The following TG variants were observed in gnomAD, a reference collection of about 807,000 sequenced individuals.
TG encodes thyroglobulin, also known as thyroid hormones.
Under a neutral mutation model 324.7 loss-of-function variants are expected in TG, and 270 were observed. The observed-to-expected ratio is 0.83, with a 90% confidence interval of 0.75 to 0.92. The LOEUF (loss-of-function observed/expected upper bound fraction) is 0.92, where lower values mean the gene tolerates loss of function less well. Among genes scored for constraint, TG ranks in the 40% least tolerant of loss-of-function variants. The probability of loss-of-function intolerance (pLI) is 0.00; values close to 1 mark genes in which losing one functional copy is unlikely to be tolerated. For synonymous variants in TG, 1,401 were observed against 1,327.0 expected (o/e 1.06, Z -1.21); for missense variants, 3,591 against 3,456.4 (o/e 1.04, Z -0.98).
chr8:133,087,644 T>A (rs1225139533), intron 41 of TG: 1 of 152,234 alleles, frequency 6.6e-6, no homozygotes, highest in Admixed American at 6.5e-5. Flanking sequence ...AATGTAACAT[T>A]AATTCATTGG....
chr8:133,017,639 C>G, intron 37 of TG, 139 bp from the exon 38 acceptor site: 1 of 847,422 alleles, frequency 1.2e-6, no homozygotes, highest in South Asian at 1.4e-5. Flanking sequence ...CTGTAGGGGT[C>G]TGAATGAATG....
At position 132,967,953 on chromosome 8, in the gene TG, C is replaced by G. The variant is rs1828873270; in HGVS notation, c.5846C>G (p.Ala1949Gly). The G allele has an allele frequency of 1.2e-6, 2 of 1,613,526 alleles. No individual in the cohort carries two copies. Among genetic ancestry groups the G allele is most frequent in the Admixed American group, 1.7e-5 (1 of 59,984 alleles). ...CRLILPQMPKALFRKKVILED... is the reference protein window; with the variant it reads ...CRLILPQMPKGLFRKKVILED... Reference sequence around the variant, plus strand: ...CTGATCCTGCCTCAGATGCCAAAGGCCCTGTTCCGGAAGAAAGGTGAGCAC... The same window carrying G: ...CTGATCCTGCCTCAGATGCCAAAGGGCCTGTTCCGGAAGAAAGGTGAGCAC... The change falls in exon 31 of 48, where the codon GCC (alanine) becomes GGC (glycine). Residue 1949 changes from alanine (A) to glycine (G), a missense_variant. Ala to Gly is a moderately conservative substitution (Grantham distance 60, BLOSUM62 0). Coordinates refer to ENST00000220616, the MANE Select transcript of TG (RefSeq NM_003235.5).
At chr8:132,981,216 C>A (rs972042349) in intron 34 of TG, among the ~76,000 whole-genome samples, 1 of 152,208 alleles carries the variant, frequency 6.6e-6, no homozygotes, top group Non-Finnish European at 1.5e-5. Flanking sequence ...GCTCTGCTGA[C>A]GTGAGATGCA....
chr8:132,993,102 A>G (rs1259576007), intron 35 of TG, among the ~76,000 whole-genome samples: 1 of 152,194 alleles, frequency 6.6e-6, no homozygotes, highest in East Asian at 1.9e-4. Context: ...TGGGTTCTTC[A>G]CATTTAGCAA....
rs1587285172 is a variant in TG, at chr8:132,893,834, A to C, written c.2906A>C (p.Asp969Ala). The C allele has an allele frequency of 6.2e-7, 1 of 1,613,692 alleles. No individual in the cohort carries two copies. Among genetic ancestry groups the C allele is most frequent in the Non-Finnish European group, 8.5e-7 (1 of 1,179,876 alleles). ...VAKGIRLRNE[D>A]LGLPPLFPPR... is the part of the protein sequence containing the mutation. ...AAGGGAATCCGGCTGAGGAATGAGG[A>C]CCTCGGCCTTCCTCCGCTCTTCCCG... Residue 969 changes from aspartate to alanine, a missense_variant, in exon 11 of 48, where the codon GAC (aspartate) becomes GCC (alanine). Asp to Ala is a moderately radical substitution (Grantham distance 126). Transcript: ENST00000220616.
At chr8:132,897,445 A>G (rs1288606053) in intron 11 of TG, among the ~76,000 whole-genome samples, 1 of 152,202 alleles carries the variant, frequency 6.6e-6, no homozygotes, top group Admixed American at 6.5e-5. Flanking sequence ...GCTTCAGCCT[A>G]AGTGTTATTC....
In TG at chr8:132,929,114, A is replaced by T. The variant is rs144241506; in HGVS notation, c.4738A>T (p.Ile1580Phe). Residue 1580 changes from isoleucine to phenylalanine, a missense_variant, in exon 23 of 48, where the codon ATC (isoleucine) becomes TTC (phenylalanine). Transcript: ENST00000220616. ...TGAGAAGGTTCCAGAATCAAAGGTG[A>T]TCTTCGACGCCAATGCTCCTGTGGC... Reference protein sequence around the residue: ...KFEKVPESKVIFDANAPVAVR... With the variant: ...KFEKVPESKVFFDANAPVAVR... 84 of 1,613,958 alleles carry T rather than the reference A, an allele frequency of 5.2e-5. No individual in the cohort carries two copies. The African/African-American group carries it at 1.1e-3, about 22-fold the overall frequency.
At chr8:132,943,442 A>T (rs1824757665) in intron 26 of TG, among the ~76,000 whole-genome samples, 1 of 152,088 alleles carries the variant, frequency 6.6e-6, no homozygotes, top group African/African-American at 2.4e-5. Context: ...TGAGCCAATT[A>T]AATCTCTTTA....
chr8:132,992,559 C>T (rs1288181938), intron 35 of TG, among the ~76,000 whole-genome samples: 1 of 152,202 alleles, frequency 6.6e-6, no homozygotes, highest in African/African-American at 2.4e-5. Flanking sequence ...TCATAGCACT[C>T]ATTCCACCCT....
At position 133,013,695 on chromosome 8, in the gene TG, CAT is replaced by C; in HGVS notation, c.6495_6496del (p.His2165GlnfsTer13). On this transcript the variant is annotated frameshift_variant, in exon 37 of 48. Coordinates refer to ENST00000220616, the MANE Select transcript of TG (RefSeq NM_003235.5). LOFTEE classifies it high-confidence loss of function. ...CTATGCTGATACTCAAAGCTGCACACATAGTCTGCAGGGTCAGAACTGCCGAC... is the reference window on the plus strand; with the variant it reads ...CTATGCTGATACTCAAAGCTGCACACAGTCTGCAGGGTCAGAACTGCCGAC... ...MFYADTQSCT[H>X]SLQGQNCRLL... The C allele has an allele frequency of 6.2e-7, 1 of 1,614,164 alleles. No homozygotes were observed. The highest frequency in any genetic ancestry group is 8.5e-7 in the Non-Finnish European group (1 of 1,180,054).
intron 25 of TG, among the ~76,000 whole-genome samples, chr8:132,940,561 A>AT (rs1442038279): frequency 1.3e-5 from 2 of 152,224 alleles, no homozygotes; most frequent in Admixed American, 6.5e-5. Flanking sequence ...TAATAAAGAA[A>AT]TGCTTCTGAA....
Position 132,906,762 on chromosome 8 carries a change from C to T in TG, c.3709C>T (p.Pro1237Ser), listed in dbSNP as rs1168126745. ...AATCCTGTGTGAGACAATCTCGGGCCCCACAGGCTCTGCCATGCAGCAGTG... is the reference window on the plus strand; with the variant it reads ...AATCCTGTGTGAGACAATCTCGGGCTCCACAGGCTCTGCCATGCAGCAGTG... ...GTILCETISG[P>S]TGSAMQQCQL... The change falls in exon 17 of 48, where the codon CCC (proline) becomes TCC (serine). Residue 1237 changes from proline (P) to serine (S), a missense_variant. Pro to Ser is a moderately conservative substitution (Grantham distance 74). Coordinates refer to ENST00000220616, the MANE Select transcript of TG (RefSeq NM_003235.5). The T allele has an allele frequency of 4.3e-6, 7 of 1,614,216 alleles. No homozygotes were observed. Among genetic ancestry groups the T allele is most frequent in the Non-Finnish European group, 5.9e-6 (7 of 1,180,052 alleles).
chr8:132,941,799 TC>T (rs1824487106), intron 26 of TG, among the ~76,000 whole-genome samples: 1 of 152,224 alleles, frequency 6.6e-6, no homozygotes. Flanking sequence ...TATTGCAAGC[TC>T]CGTTTTACAC....
At chr8:132,953,571 T>C (rs1826413522) in intron 27 of TG, among the ~76,000 whole-genome samples, 1 of 152,174 alleles carries the variant, frequency 6.6e-6, no homozygotes, top group Non-Finnish European at 1.5e-5. Context: ...TAGGACTGAC[T>C]TCTAATACCA....
Position 132,881,440 on chromosome 8 carries a change from C to A in TG, c.639-423C>A, listed in dbSNP as rs192097893. Among the ~76,000 whole-genome samples the A allele has an allele frequency of 3.8e-3, 575 of 152,152 alleles. 12 individuals carry two copies. The highest frequency in any genetic ancestry group is 1.2e-3 in the Non-Finnish European group (79 of 68,006). On this transcript the variant is annotated intron_variant, in intron 5 of 47. Coordinates refer to ENST00000220616, the MANE Select transcript of TG (RefSeq NM_003235.5). ...AAGGGGCCTGAAGTCATTTGATCTC[C>A]CAAAATGAGATAATCTCCAATGTAC...
intron 41 of TG, chr8:133,036,791 T>C (rs1837191036): frequency 6.6e-6 from 1 of 152,654 alleles, no homozygotes; most frequent in African/African-American, 2.4e-5. Flanking sequence ...TTTAGCAAAG[T>C]GTAATGCTTC....
intron 15 of TG, among the ~76,000 whole-genome samples, chr8:132,900,818 C>T (rs907228641): frequency 5.3e-5 from 8 of 152,152 alleles, no homozygotes; most frequent in South Asian, 2.1e-4. Context: ...GTGTCTTCTT[C>T]GACTTCTCTT....
intron 26 of TG, among the ~76,000 whole-genome samples, chr8:132,942,870 A>T (rs1474376844): frequency 6.6e-6 from 1 of 152,142 alleles, no homozygotes; most frequent in East Asian, 1.9e-4. Flanking sequence ...ACAGAGTGGG[A>T]GGATTTGGTT....
At position 133,096,209 on chromosome 8, in the gene TG, C is replaced by T. The variant is rs2069568; in HGVS notation, c.7408C>T (p.Leu2470=). The change falls in exon 43 of 48, where the codon CTG becomes TTG. Residue 2470 remains leucine, a synonymous_variant. Transcript: ENST00000220616. The stretch of plus-strand genomic sequence containing the variant: ...ATTATTGTTGCATCCAATGCAGCTC[C>T]TGGCCGTGAGTGGCCCTTTCCACTA... ...NVLNDAQTKL[L]AVSGPFHYWG... 0.45 allele frequency: 733,825 copies of T among 1,613,656 alleles called. 171,919 individuals carry two copies. Among genetic ancestry groups the T allele is most frequent in the Middle Eastern group, 0.48 (2,922 of 6,062 alleles).
Sources: gnomAD v4.1 joint callset for allele counts (sites outside exome capture counted in the v4.1 genomes callset) on GRCh38, gnomAD v4.1.1 for gene constraint, MANE v1.5 for transcripts, NCBI Gene and HGNC (gene_info 2026-07-23, HGNC 2026-07-21) for gene names.